The following UBAC2 variants were observed in gnomAD, a reference collection of about 807,000 sequenced individuals.
The protein encoded by UBAC2 is UBA domain containing 2, also known as ubiquitin-associated domain-containing protein 2.
In UBAC2, 26 loss-of-function variants were observed where a neutral mutation model predicts 44.0. The observed-to-expected ratio is 0.59, with a 90% confidence interval of 0.43 to 0.82. The LOEUF (loss-of-function observed/expected upper bound fraction) is 0.82. UBAC2 is among the 40% of genes least tolerant of loss of function. The pLI is 0.00. For missense variants in UBAC2, 329 were observed against 419.4 expected, an observed-to-expected ratio of 0.78 and a Z score of 1.88; for synonymous variants, 155 against 154.3, an observed-to-expected ratio of 1.00 and a Z score of -0.04.
intron 6 of UBAC2, among the ~76,000 whole-genome samples, chr13:99,321,110 G>A (rs923310528): frequency 9.9e-5 from 15 of 152,266 alleles, no homozygotes; most frequent in Non-Finnish European, 2.1e-4. Context: ...GTTAAGCAAT[G>A]ATTTTATTTC....
intron 4 of UBAC2, chr13:99,255,429 C>A: frequency 6.2e-7 from 1 of 1,613,984 alleles, no homozygotes; most frequent in South Asian, 1.1e-5. Context: ...TGGTCAGGGT[C>A]ATTATCCAGA....
chr13:99,231,877 A>G (rs1013371606), intron 1 of UBAC2, among the ~76,000 whole-genome samples: 1 of 152,204 alleles, frequency 6.6e-6, no homozygotes, highest in Non-Finnish European at 1.5e-5. Context: ...TCACTGACAG[A>G]CTTAGAAAGA....
intron 7 of UBAC2, among the ~76,000 whole-genome samples, chr13:99,354,870 A>G (rs150099153): frequency 6.6e-6 from 1 of 152,268 alleles, no homozygotes; most frequent in Non-Finnish European, 1.5e-5. Context: ...CTCGGAGTGC[A>G]ACAGCAAGGA....
chr13:99,315,300 G>A (rs1298148264), intron 5 of UBAC2, among the ~76,000 whole-genome samples: 1 of 152,076 alleles, frequency 6.6e-6, no homozygotes, highest in African/African-American at 2.4e-5. Context: ...TATTTTTAAA[G>A]TTGTTGTGAC....
At chr13:99,204,359 C>A (rs906297314) in intron 1 of UBAC2, among the ~76,000 whole-genome samples, 2 of 152,048 alleles carry the variant, frequency 1.3e-5, no homozygotes, top group Non-Finnish European at 2.9e-5. Flanking sequence ...GTGGAGAAGG[C>A]CTCTGGGAGG....
At chr13:99,338,055 T>C (rs1225804247) in intron 6 of UBAC2, among the ~76,000 whole-genome samples, 30 of 83,310 alleles carry the variant, frequency 3.6e-4, no homozygotes, top group South Asian at 8.6e-4. Flanking sequence ...TTCTTTTTTT[T>C]TTTTTTTTTT....
intron 4 of UBAC2, among the ~76,000 whole-genome samples, chr13:99,305,386 G>A (rs1011691507): frequency 6.6e-6 from 1 of 152,150 alleles, no homozygotes; most frequent in African/African-American, 2.4e-5. Flanking sequence ...CACAGGCCAC[G>A]TCCAGGGCTG....
intron 7 of UBAC2, among the ~76,000 whole-genome samples, chr13:99,340,802 T>C (rs2044874746): frequency 6.6e-6 from 1 of 152,228 alleles, no homozygotes; most frequent in Non-Finnish European, 1.5e-5. Flanking sequence ...GTTCCACCTA[T>C]ATTAGATAAG....
At chr13:99,219,596 T>A (rs1050770947) in intron 1 of UBAC2, among the ~76,000 whole-genome samples, 4 of 152,224 alleles carry the variant, frequency 2.6e-5, no homozygotes, top group South Asian at 4.1e-4. Context: ...TCAATTTTTT[T>A]AAGCTTATCA....
At chr13:99,341,225 C>T (rs1173340004) in intron 7 of UBAC2, among the ~76,000 whole-genome samples, 1 of 152,222 alleles carries the variant, frequency 6.6e-6, no homozygotes, top group Non-Finnish European at 1.5e-5. Context: ...CACAGGGCTC[C>T]CCATTTTTCG....
chr13:99,293,651 A>G (rs930343571), intron 4 of UBAC2, among the ~76,000 whole-genome samples: 6 of 152,204 alleles, frequency 3.9e-5, no homozygotes, highest in Non-Finnish European at 7.3e-5. Context: ...ACCAGTGCCT[A>G]TTTTTGACAA....
intron 8 of UBAC2, among the ~76,000 whole-genome samples, chr13:99,368,688 A>AGTGTGGGTGTGTGT (rs1555332920): frequency 1.2e-3 from 182 of 146,698 alleles, no homozygotes; most frequent in Non-Finnish European, 2.1e-3. Flanking sequence ...CTCATGAGAG[A>AGTGTGGGTGTGTGT]GTGTGTGTGT....
At chr13:99,348,206 C>G (rs553692519) in intron 7 of UBAC2, among the ~76,000 whole-genome samples, 4 of 152,334 alleles carry the variant, frequency 2.6e-5, no homozygotes, top group South Asian at 4.1e-4. Flanking sequence ...TCTTTTGGCT[C>G]TAATGCAGTG....
intron 2 of UBAC2, among the ~76,000 whole-genome samples, chr13:99,242,122 C>T (rs2142733354): frequency 6.6e-6 from 1 of 152,046 alleles, no homozygotes; most frequent in Admixed American, 6.5e-5. Context: ...AATGAAAAGT[C>T]TCCCATGTCT....
chr13:99,330,369 G>C (rs546529311), intron 6 of UBAC2, among the ~76,000 whole-genome samples: 1 of 141,322 alleles, frequency 7.1e-6, no homozygotes, highest in Non-Finnish European at 1.5e-5. Context: ...TGAGGCAGGA[G>C]AATCGCTTGA....
rs1400158385 is a variant in UBAC2, at chr13:99,287,628, CT to C, written c.390-26459del. ...GTAAGGAAAAATATCTTTCTTTCTT[CT>C]TTTTTTTTTCTTTCTTTTTTTTTTT... On this transcript the variant is annotated intron_variant, in intron 4 of 8. Coordinates refer to ENST00000403766, the MANE Select transcript of UBAC2 (RefSeq NM_001144072.2). Among the ~76,000 whole-genome samples, 552 of 127,012 alleles carry C rather than the reference CT, an allele frequency of 4.3e-3. 1 individual carries two copies. The highest frequency in any genetic ancestry group is 8.1e-3 in the Middle Eastern group (2 of 248). 83.3% of individuals were successfully genotyped at this position (127,012 alleles called of 152,430 possible). A position where few individuals can be genotyped will look rare whatever the true frequency, so the allele number is the denominator to read the frequency against.
intron 6 of UBAC2, 54 bp from the exon 7 acceptor site, chr13:99,340,266 A>AT (rs1566510576): frequency 1.3e-6 from 2 of 1,592,526 alleles, no homozygotes; most frequent in African/African-American, 1.3e-5. Flanking sequence ...AGTCGTGTAC[A>AT]TTTTTTAAAA....
intron 4 of UBAC2, among the ~76,000 whole-genome samples, chr13:99,282,491 T>C (rs2043966530): frequency 2.0e-5 from 3 of 152,242 alleles, no homozygotes; most frequent in Non-Finnish European, 2.9e-5. Flanking sequence ...CCTTTTATTT[T>C]AGCTGTCTTC....
chr13:99,255,186 C>G, intron 4 of UBAC2: 1 of 1,614,076 alleles, frequency 6.2e-7, no homozygotes, highest in Non-Finnish European at 8.5e-7. Flanking sequence ...TCCTTATGGA[C>G]TTCTCCTTGA....
Sources: gnomAD v4.1 joint callset for allele counts (sites outside exome capture counted in the v4.1 genomes callset) on GRCh38, gnomAD v4.1.1 for gene constraint, MANE v1.5 for transcripts, NCBI Gene and HGNC (gene_info 2026-07-23, HGNC 2026-07-21) for gene names.